Variants in GUCY1A1 observed in about 807,000 individuals in gnomAD.
GUCY1A1 encodes guanylate cyclase 1 soluble subunit alpha 1, also known as guanylate cyclase soluble subunit alpha-1.
In GUCY1A1, 48 loss-of-function variants were observed where a neutral mutation model predicts 64.5. The ratio of observed to expected loss-of-function variants is 0.74; its 90% CI spans 0.59 to 0.95. The LOEUF (loss-of-function observed/expected upper bound fraction) is 0.95, where lower values mean the gene tolerates loss of function less well. Ranked by LOEUF, GUCY1A1 falls within the 40% of genes least tolerant of loss-of-function variation. GUCY1A1 has a pLI of 0.00. For missense variants in GUCY1A1, 804 were observed against 825.3 expected (o/e 0.97, Z 0.32); for synonymous variants, 308 against 303.4 (o/e 1.02, Z -0.16).
In GUCY1A1 at chr4:155,731,446, T is replaced by C. The variant is rs1167389337; in HGVS notation, c.*1215T>C. The C allele has an allele frequency of 6.6e-6, 1 of 151,862 alleles. No individual in the cohort carries two copies. The highest frequency in any genetic ancestry group is 1.5e-5 in the Non-Finnish European group (1 of 67,842). 9.4% of individuals were successfully genotyped at this position (151,862 alleles called of 1,614,324 possible). ...TAAAAAAAACGACTGTTAGTATTGA[T>C]GAAGCAAATGAGGCAGTGACTACAT... On this transcript the variant is annotated 3_prime_UTR_variant, in exon 10 of 10. Coordinates refer to ENST00000506455, the MANE Select transcript of GUCY1A1 (RefSeq NM_001130682.3).
At chr4:155,717,048 G>T in intron 7 of GUCY1A1, 111 bp from the exon 8 acceptor site, 1 of 743,240 alleles carries the variant, frequency 1.3e-6, no homozygotes. Flanking sequence ...TGATCCTCCA[G>T]AAGGCCTGAG....
intron 9 of GUCY1A1, among the ~76,000 whole-genome samples, chr4:155,726,266 C>T (rs1318135775): frequency 6.6e-6 from 1 of 151,948 alleles, no homozygotes; most frequent in South Asian, 2.1e-4. Flanking sequence ...AATATAAATA[C>T]TTAATGTTAA....
chr4:155,707,360 A>G (rs561207681), intron 4 of GUCY1A1, among the ~76,000 whole-genome samples: 24 of 152,314 alleles, frequency 1.6e-4, no homozygotes, highest in Admixed American at 6.5e-4. Context: ...CCTACCTTAC[A>G]TGTCCTCAGC....
intron 3 of GUCY1A1, among the ~76,000 whole-genome samples, chr4:155,699,596 TG>T (rs1205045071): frequency 6.6e-6 from 1 of 152,214 alleles, no homozygotes; most frequent in Non-Finnish European, 1.5e-5. Context: ...ATTATCGTTA[TG>T]GCAGTAAATG....
intron 2 of GUCY1A1, among the ~76,000 whole-genome samples, chr4:155,668,705 A>G (rs1273743138): frequency 1.3e-5 from 2 of 152,188 alleles, no homozygotes; most frequent in Admixed American, 6.5e-5. Flanking sequence ...TGATCATTTC[A>G]GGTACCCTAT....
chr4:155,726,629 C>A (rs756069864), intron 9 of GUCY1A1, among the ~76,000 whole-genome samples: 6 of 151,804 alleles, frequency 4.0e-5, no homozygotes, highest in Non-Finnish European at 8.8e-5. Context: ...AGAATACATA[C>A]CTATACCAAA....
At chr4:155,705,923 A>T (rs1434746979) in intron 4 of GUCY1A1, among the ~76,000 whole-genome samples, 2 of 152,194 alleles carry the variant, frequency 1.3e-5, no homozygotes, top group African/African-American at 4.8e-5. Flanking sequence ...TCTGACCTTA[A>T]TAACCAGTCA....
intron 8 of GUCY1A1, among the ~76,000 whole-genome samples, chr4:155,718,167 T>C (rs1446090111): frequency 1.3e-5 from 2 of 152,150 alleles, no homozygotes; most frequent in African/African-American, 4.8e-5. Flanking sequence ...TGCCCCTTAA[T>C]TTTTATAGGA....
chr4:155,672,933 C>G (rs1734343887), intron 2 of GUCY1A1, among the ~76,000 whole-genome samples: 1 of 151,924 alleles, frequency 6.6e-6, no homozygotes, highest in African/African-American at 2.4e-5. Context: ...ACATGCTGGA[C>G]CTTTGTTATT....
intron 2 of GUCY1A1, among the ~76,000 whole-genome samples, chr4:155,688,798 CA>C (rs1560924846): frequency 1.4e-5 from 2 of 145,794 alleles, no homozygotes; most frequent in Non-Finnish European, 3.0e-5. Flanking sequence ...AGAAAAAAAA[CA>C]AAACAAAACA....
chr4:155,668,036 T>C, intron 2 of GUCY1A1: 1 of 152,266 alleles, frequency 6.6e-6, no homozygotes, highest in Non-Finnish European at 1.5e-5. Context: ...TGCGCGTGTG[T>C]GCGAGAGAGA....
intron 9 of GUCY1A1, chr4:155,722,705 ACT>A (rs1734129207): frequency 6.5e-6 from 1 of 152,800 alleles, no homozygotes; most frequent in African/African-American, 2.4e-5. Flanking sequence ...ATCTAAAATG[ACT>A]CACAATACTT....
chr4:155,668,244 T>C (rs28416204), intron 2 of GUCY1A1: 6,078 of 152,416 alleles, frequency 0.04, 432 homozygotes, highest in African/African-American at 0.14. Context: ...TCGTGCGTCT[T>C]TCTCTGCTCA....
intron 2 of GUCY1A1, among the ~76,000 whole-genome samples, chr4:155,681,440 C>G (rs190293150): frequency 1.3e-5 from 2 of 152,288 alleles, no homozygotes; most frequent in East Asian, 3.9e-4. Context: ...GTAATCTGTA[C>G]TCAGTTACAG....
intron 2 of GUCY1A1, among the ~76,000 whole-genome samples, chr4:155,685,238 G>A (rs1480935537): frequency 6.6e-6 from 1 of 152,132 alleles, no homozygotes. Flanking sequence ...ATAAGATAAT[G>A]TATGTGATGT....
In GUCY1A1 at chr4:155,733,466, G is replaced by T. The variant is rs1355237792; in HGVS notation, c.*3235G>T. On this transcript the variant is annotated 3_prime_UTR_variant, in exon 10 of 10. Transcript: ENST00000506455. ...CCATCTGGGCAAAAATCACGAAGGG[G>T]TATGTGTGTCATGTAAAGGTGTGCC... Among the ~76,000 whole-genome samples, 1 of 151,592 alleles carries T rather than the reference G, an allele frequency of 6.6e-6. No homozygotes were observed. Among genetic ancestry groups the T allele is most frequent in the Non-Finnish European group, 1.5e-5 (1 of 67,830 alleles).
At chr4:155,671,442 C>A (rs1306115559) in intron 2 of GUCY1A1, among the ~76,000 whole-genome samples, 1 of 152,136 alleles carries the variant, frequency 6.6e-6, no homozygotes. Context: ...CCAATGTCAG[C>A]TTGGAGGATA....
intron 3 of GUCY1A1, 119 bp from the exon 4 acceptor site, chr4:155,703,813 G>T: frequency 1.5e-6 from 1 of 646,624 alleles, no homozygotes; most frequent in South Asian, 1.9e-5. Flanking sequence ...TATCATTCAA[G>T]CAATTGTATA....
At chr4:155,685,567 C>T (rs1000128198) in intron 2 of GUCY1A1, among the ~76,000 whole-genome samples, 7 of 151,592 alleles carry the variant, frequency 4.6e-5, no homozygotes, top group South Asian at 2.1e-4. Context: ...CCGCCTGAAC[C>T]GCCTCCATTG....
Sources: allele counts gnomAD v4.1 joint callset (sites outside exome capture counted in the v4.1 genomes callset), GRCh38; gene constraint gnomAD v4.1.1; transcripts MANE v1.5; gene names NCBI Gene and HGNC (gene_info 2026-07-23, HGNC 2026-07-21).